MAPK6: variants seen among roughly 807,000 people sequenced by gnomAD.
The protein encoded by MAPK6 is ERK-3.
In MAPK6, 19 loss-of-function variants were observed where a neutral mutation model predicts 59.3. The ratio of observed to expected loss-of-function variants is 0.32; its 90% CI spans 0.22 to 0.47. The LOEUF is 0.47. MAPK6 is among the 20% of genes least tolerant of loss of function. The pLI is 1.00. For missense variants in MAPK6, 724 were observed against 847.9 expected, an observed-to-expected ratio of 0.85 and a Z score of 1.81; for synonymous variants, 316 against 290.3, an observed-to-expected ratio of 1.09 and a Z score of -0.90.
Position 52,063,879 on chromosome 15 carries a change from G to C in MAPK6, c.1068-23G>C, listed in dbSNP as rs200318726. Reference sequence around the variant, plus strand: ...AATGAAATCATATACGTAGAATAACGCTAGTGTATTGATTTTTTTCAGGTA... The same window carrying C: ...AATGAAATCATATACGTAGAATAACCCTAGTGTATTGATTTTTTTCAGGTA... On this transcript the variant is annotated intron_variant, in intron 5 of 5. Transcript: ENST00000261845. The C allele has an allele frequency of 2.1e-5, 32 of 1,525,088 alleles. No individual in the cohort carries two copies. In the African/African-American group the frequency reaches 3.9e-4, roughly 19 times the overall value. 94.5% of individuals were successfully genotyped at this position (1,525,088 alleles called of 1,614,324 possible).
upstream of MAPK6, among the ~76,000 whole-genome samples, chr15:52,016,080 A>G (rs1465844094): frequency 1.8e-3 from 237 of 132,780 alleles, 1 homozygote; most frequent in African/African-American, 5.2e-3. Context: ...GCACACACAC[A>G]CACACACACA....
intron 3 of MAPK6, among the ~76,000 whole-genome samples, chr15:52,013,502 T>TA (rs1345236998): frequency 6.6e-6 from 1 of 152,128 alleles, no homozygotes. Flanking sequence ...AGAGGGAACT[T>TA]AAAGAGGTAA....
At chr15:52,025,435 T>C (rs2030732294) in intron 1 of MAPK6, among the ~76,000 whole-genome samples, 1 of 152,186 alleles carries the variant, frequency 6.6e-6, no homozygotes, top group Non-Finnish European at 1.5e-5. Flanking sequence ...CCATTGGCCA[T>C]GTGTGACTGT....
chr15:52,037,312 C>T (rs544984748), intron 1 of MAPK6, among the ~76,000 whole-genome samples: 79 of 152,272 alleles, frequency 5.2e-4, no homozygotes, highest in African/African-American at 1.8e-3. Context: ...TATGGCCTTG[C>T]ATAATGTGAC....
At chr15:51,976,068 C>T (rs1206661108) in intron 1 of MAPK6, among the ~76,000 whole-genome samples, 1 of 151,546 alleles carries the variant, frequency 6.6e-6, no homozygotes, top group Non-Finnish European at 1.5e-5. Context: ...AAAGCAAGAC[C>T]ATCCTGGCTA....
chr15:52,004,706 A>G (rs2057252561), intron 3 of MAPK6, among the ~76,000 whole-genome samples: 1 of 152,210 alleles, frequency 6.6e-6, no homozygotes, highest in Admixed American at 6.5e-5. Context: ...CGATCTCCAG[A>G]GGGCAAGACA....
chr15:52,059,672 G>A (rs2032120524), intron 4 of MAPK6, among the ~76,000 whole-genome samples: 1 of 152,178 alleles, frequency 6.6e-6, no homozygotes, highest in Admixed American at 6.5e-5. Context: ...TCATTAGGGT[G>A]GGGACCATGT....
At chr15:52,061,243 G>T (rs1407355405) in intron 4 of MAPK6, 56 bp from the exon 5 acceptor site, 5 of 1,320,102 alleles carry the variant, frequency 3.8e-6, no homozygotes, top group Non-Finnish European at 5.5e-6. Context: ...AACATTTACT[G>T]TTTTTCTAAA....
intron 2 of MAPK6, among the ~76,000 whole-genome samples, chr15:51,999,777 G>A (rs2057237120): frequency 6.6e-6 from 1 of 152,112 alleles, no homozygotes; most frequent in East Asian, 1.9e-4. Flanking sequence ...GTGAATAGCT[G>A]GGACTACAGG....
intron 2 of MAPK6, among the ~76,000 whole-genome samples, chr15:52,048,564 C>T (rs574639026): frequency 5.3e-5 from 8 of 152,130 alleles, no homozygotes; most frequent in South Asian, 2.1e-4. Flanking sequence ...GCTGAGATTG[C>T]GCCAATGCAC....
chr15:52,046,676 T>A lies in MAPK6; in HGVS notation c.216T>A (p.Leu72=). ...ALREIKIIRR[L]DHDNIVKVFE... ...GTGAAATCAAAATTATTAGAAGACTTGACCATGATAACATTGTGAAAGTGT... is the reference window on the plus strand; with the variant it reads ...GTGAAATCAAAATTATTAGAAGACTAGACCATGATAACATTGTGAAAGTGT... The change falls in exon 2 of 6, where the codon CTT becomes CTA. Residue 72 remains leucine (L), a synonymous_variant. Coordinates refer to ENST00000261845, the MANE Select transcript of MAPK6 (RefSeq NM_002748.4). 1 of 1,614,184 alleles carries A rather than the reference T, an allele frequency of 6.2e-7. No individual in the cohort carries two copies.
intron 1 of MAPK6, among the ~76,000 whole-genome samples, chr15:52,040,619 A>G (rs1315386493): frequency 6.6e-6 from 1 of 152,264 alleles, no homozygotes; most frequent in Non-Finnish European, 1.5e-5. Context: ...AGGACAAAGT[A>G]AAGTTACTTC....
chr15:52,032,771 G>A (rs988417351), intron 1 of MAPK6, among the ~76,000 whole-genome samples: 2 of 152,030 alleles, frequency 1.3e-5, no homozygotes, highest in South Asian at 4.1e-4. Context: ...TGCAACCTCC[G>A]CCTCCCAAGT....
rs1390136007 is a variant in MAPK6, at chr15:52,064,724, C to T, written c.1890C>T (p.Asp630=). 1 of 1,611,762 alleles carries T rather than the reference C, an allele frequency of 6.2e-7. No homozygotes were observed. The highest frequency in any genetic ancestry group is 1.3e-5 in the African/African-American group (1 of 74,948). The change falls in exon 6 of 6, where the codon GAC becomes GAT. Residue 630 remains aspartate, a synonymous_variant. Coordinates refer to ENST00000261845, the MANE Select transcript of MAPK6 (RefSeq NM_002748.4). ...AAAACACTTACACTAGTTACTTGGA[C>T]AAGTTCTTTAGCAGGAAAGAAGATA... is the stretch of plus-strand genomic sequence containing the variant. ...EKENTYTSYL[D]KFFSRKEDTE...
intron 1 of MAPK6, among the ~76,000 whole-genome samples, chr15:51,972,091 T>C (rs2057130889): frequency 6.6e-6 from 1 of 151,920 alleles, no homozygotes; most frequent in Non-Finnish European, 1.5e-5. Flanking sequence ...AAGCCCTTTG[T>C]TTCTTACTGA....
intron 1 of MAPK6, among the ~76,000 whole-genome samples, chr15:51,979,314 C>T (rs932148641): frequency 6.6e-6 from 1 of 151,686 alleles, no homozygotes; most frequent in Non-Finnish European, 1.5e-5. Flanking sequence ...CCCTAAGCTA[C>T]ACAGCTAAGA....
chr15:51,973,533 T>C (rs1786499532), intron 1 of MAPK6, among the ~76,000 whole-genome samples: 1 of 151,990 alleles, frequency 6.6e-6, no homozygotes, highest in African/African-American at 2.4e-5. Flanking sequence ...AATTACAGTT[T>C]GGTCTGGTGA....
At chr15:52,044,228 A>G (rs1028151027) in intron 1 of MAPK6, among the ~76,000 whole-genome samples, 2 of 152,112 alleles carry the variant, frequency 1.3e-5, no homozygotes, top group African/African-American at 4.8e-5. Flanking sequence ...AAAAACTTGT[A>G]GACAGGAGAA....
At chr15:52,057,118 CTT>C (rs2032013726) in intron 3 of MAPK6, 1 of 152,198 alleles carries the variant, frequency 6.6e-6, no homozygotes, top group South Asian at 2.1e-4. Flanking sequence ...TATCCAGACT[CTT>C]AACGGCTTGT....
Sources: allele counts gnomAD v4.1 joint callset (sites outside exome capture counted in the v4.1 genomes callset), GRCh38; gene constraint gnomAD v4.1.1; transcripts MANE v1.5; gene names NCBI Gene and HGNC (gene_info 2026-07-23, HGNC 2026-07-21).